EML6: variants seen among roughly 807,000 people sequenced by gnomAD.
EML6 encodes EMAP like 6.
A neutral mutation model predicts 240.1 loss-of-function variants in EML6; 154 were observed. The ratio of observed to expected loss-of-function variants is 0.64; its 90% CI spans 0.56 to 0.73. The LOEUF is 0.73. EML6 is among the 30% of genes least tolerant of loss of function. The pLI is 0.00. For missense variants in EML6, 2,964 were observed against 2,474.6 expected (o/e 1.20, Z -4.20); for synonymous variants, 1,148 against 899.0 (o/e 1.28, Z -4.95).
intron 2 of EML6, among the ~76,000 whole-genome samples, chr2:54,743,460 A>G (rs1477671810): frequency 6.6e-6 from 1 of 152,250 alleles, no homozygotes; most frequent in Non-Finnish European, 1.5e-5. Context: ...GACGTATTTT[A>G]TATATATGCA....
At chr2:54,848,548 C>CACACACACACACAA (rs1344441331) in intron 9 of EML6, among the ~76,000 whole-genome samples, 1 of 151,536 alleles carries the variant, frequency 6.6e-6, no homozygotes, top group African/African-American at 2.4e-5. Context: ...CACACACACA[C>CACACACACACACAA]ACATAAATTT....
chr2:54,857,463 C>A (rs1224466700), intron 11 of EML6, among the ~76,000 whole-genome samples: 2 of 152,132 alleles, frequency 1.3e-5, no homozygotes, highest in Non-Finnish European at 2.9e-5. Flanking sequence ...TGCTGTCCTA[C>A]GGGATGGAGA....
intron 2 of EML6, among the ~76,000 whole-genome samples, chr2:54,778,628 C>T (rs1175244202): frequency 6.6e-6 from 1 of 152,056 alleles, no homozygotes; most frequent in Non-Finnish European, 1.5e-5. Flanking sequence ...GTAGCTCACA[C>T]CTGTAATCCC....
chr2:54,848,566 C>A (rs576309737), intron 9 of EML6, among the ~76,000 whole-genome samples: 2 of 122,860 alleles, frequency 1.6e-5, no homozygotes, highest in South Asian at 5.2e-4. Flanking sequence ...TTTCCAGACA[C>A]CTATTTTATG....
At chr2:54,737,136 A>G (rs1683432520) in intron 2 of EML6, among the ~76,000 whole-genome samples, 1 of 152,134 alleles carries the variant, frequency 6.6e-6, no homozygotes, top group Middle Eastern at 3.2e-3. Context: ...AAATATTCTG[A>G]ATTTGATTGT....
chr2:54,800,714 T>G (rs972317983), intron 2 of EML6, among the ~76,000 whole-genome samples: 1 of 152,174 alleles, frequency 6.6e-6, no homozygotes, highest in Non-Finnish European at 1.5e-5. Context: ...ACCACCATTC[T>G]GGATAGTAAT....
intron 28 of EML6, among the ~76,000 whole-genome samples, chr2:54,935,870 A>T (rs1335176884): frequency 6.6e-6 from 1 of 152,130 alleles, no homozygotes; most frequent in Non-Finnish European, 1.5e-5. Flanking sequence ...CTACAAACAA[A>T]ATTTAAAAAA....
chr2:54,848,262 G>A (rs920405629), intron 9 of EML6, among the ~76,000 whole-genome samples: 2 of 152,010 alleles, frequency 1.3e-5, no homozygotes, highest in South Asian at 2.1e-4. Context: ...TGCATTTGTC[G>A]TTCTCTCGAC....
intron 2 of EML6, among the ~76,000 whole-genome samples, chr2:54,769,050 G>A (rs1220692030): frequency 6.6e-6 from 1 of 152,134 alleles, no homozygotes; most frequent in Admixed American, 6.5e-5. Context: ...TATCCAAGAA[G>A]CTGGGAAATG....
At chr2:54,846,970 A>T (rs919968586) in intron 8 of EML6, among the ~76,000 whole-genome samples, 2 of 139,728 alleles carry the variant, frequency 1.4e-5, no homozygotes, top group Non-Finnish European at 3.0e-5. Flanking sequence ...CCCAGGCTGG[A>T]GTGCGGTGGC....
At chr2:54,855,080 G>GT (rs1456961527) in intron 11 of EML6, among the ~76,000 whole-genome samples, 1 of 152,234 alleles carries the variant, frequency 6.6e-6, no homozygotes, top group Non-Finnish European at 1.5e-5. Context: ...CAATGGAAAT[G>GT]TGGATCTATT....
intron 25 of EML6, 134 bp from the exon 26 acceptor site, chr2:54,916,625 T>C (rs1673922345): frequency 1.7e-6 from 1 of 572,766 alleles, no homozygotes; most frequent in Non-Finnish European, 2.8e-6. Context: ...AACTTAGAAT[T>C]TGTGTACCTC....
intron 2 of EML6, among the ~76,000 whole-genome samples, chr2:54,763,514 C>A (rs1668061287): frequency 6.6e-6 from 1 of 152,166 alleles, no homozygotes; most frequent in Non-Finnish European, 1.5e-5. Context: ...ATTTTATTAT[C>A]TTTTAAGTTA....
In EML6 at chr2:54,950,664, C is replaced by G. The variant is rs2104485409; in HGVS notation, c.4098C>G (p.Asp1366Glu). 2 of 1,551,626 alleles carry G rather than the reference C, an allele frequency of 1.3e-6. No homozygotes were observed. The change falls in exon 30 of 42, where the codon GAC becomes GAG. Residue 1366 changes from aspartate to glutamate, a missense_variant. Coordinates refer to ENST00000356458, the MANE Select transcript of EML6 (RefSeq NM_001039753.4). ...KKKLVEELALDHVFGYRGFDC... is the reference protein window; with the variant it reads ...KKKLVEELALEHVFGYRGFDC... ...TGTGAATGCAGGAGCTGGCTCTAGA[C>G]CACGTGTTTGGCTACAGAGGTTTCG...
intron 26 of EML6, among the ~76,000 whole-genome samples, chr2:54,922,582 T>A (rs1346560044): frequency 6.6e-6 from 1 of 152,212 alleles, no homozygotes; most frequent in African/African-American, 2.4e-5. Context: ...TGAAGAGATA[T>A]CTACACCACC....
rs185661526 is a variant in EML6, at chr2:54,799,415, C to T, written c.198-13817C>T. 1.5e-3 allele frequency among the ~76,000 whole-genome samples: 230 copies of T among 150,518 alleles called. 1 individual carries two copies. Among genetic ancestry groups the T allele is most frequent in the African/African-American group, 4.8e-3 (196 of 40,862 alleles). ...CTCTGGTGTGTGGTGGCGCGATCTCCGTTCACTGCAACCTCTGACTCCCTG... is the reference window on the plus strand; with the variant it reads ...CTCTGGTGTGTGGTGGCGCGATCTCTGTTCACTGCAACCTCTGACTCCCTG... On this transcript the variant is annotated intron_variant, in intron 2 of 41. Transcript: ENST00000356458.
intron 2 of EML6, among the ~76,000 whole-genome samples, chr2:54,726,370 A>T (rs1339019074): frequency 6.6e-6 from 1 of 152,200 alleles, no homozygotes; most frequent in Non-Finnish European, 1.5e-5. Context: ...CATGCTCCTA[A>T]TTTCTCAGTG....
intron 17 of EML6, among the ~76,000 whole-genome samples, chr2:54,889,100 A>G (rs796270482): frequency 6.6e-5 from 10 of 152,270 alleles, no homozygotes; most frequent in African/African-American, 2.4e-4. Flanking sequence ...GTTATACACT[A>G]CATTTTTATA....
At chr2:54,847,968 G>C (rs1282178973) in intron 9 of EML6, among the ~76,000 whole-genome samples, 1 of 152,206 alleles carries the variant, frequency 6.6e-6, no homozygotes, top group South Asian at 2.1e-4. Context: ...GATGTTACAT[G>C]ATACATTGTG....
Sources: gnomAD v4.1 joint callset for allele counts (sites outside exome capture counted in the v4.1 genomes callset) on GRCh38, gnomAD v4.1.1 for gene constraint, MANE v1.5 for transcripts, NCBI Gene and HGNC (gene_info 2026-07-23, HGNC 2026-07-21) for gene names.